GARNL3: variants seen among roughly 807,000 people sequenced by gnomAD.
GARNL3 encodes the protein GTPase activating Rap/RanGAP domain like 3.
Under a neutral mutation model 125.0 loss-of-function variants are expected in GARNL3, and 63 were observed. The ratio of observed to expected loss-of-function variants is 0.50; its 90% CI spans 0.41 to 0.62. GARNL3 has a LOEUF of 0.62. GARNL3 is among the 20% of genes least tolerant of loss of function. The pLI is 0.00. For synonymous variants in GARNL3, 439 were observed against 457.5 expected (o/e 0.96, Z 0.52); for missense variants, 994 against 1,244.0 (o/e 0.80, Z 3.02).
chr9:127,342,310 G>A lies in GARNL3; in HGVS notation c.1227G>A (p.Gln409=). ...TLDMLIRSLH[Q]DLMPDLHKNM... is the part of the protein sequence containing the mutation. ...ATATGTTGATTAGATCTTTACACCA[G>A]GATTTGATGCCAGATTTGCATAAGG... is the stretch of plus-strand genomic sequence containing the variant. The change falls in exon 14 of 28, where the codon CAG becomes CAA. Residue 409 remains glutamine, a synonymous_variant. Coordinates refer to ENST00000373387, the MANE Select transcript of GARNL3 (RefSeq NM_032293.5). 1.2e-6 allele frequency: 2 copies of A among 1,611,668 alleles called. No individual in the cohort carries two copies. Among genetic ancestry groups the A allele is most frequent in the South Asian group, 2.2e-5 (2 of 91,038 alleles).
chr9:127,243,311 C>T, intron 2 of GARNL3: 8 of 1,286,814 alleles, frequency 6.2e-6, no homozygotes, highest in Non-Finnish European at 8.4e-6. Flanking sequence ...CTTGAAATCC[C>T]TTAATGTTTA....
At chr9:127,360,512 G>A (rs376426128) in intron 21 of GARNL3, among the ~76,000 whole-genome samples, 3 of 152,102 alleles carry the variant, frequency 2.0e-5, no homozygotes, top group Non-Finnish European at 2.9e-5. Flanking sequence ...CTGTCTGTCT[G>A]GGGAGATGAG....
At chr9:127,302,612 G>A (rs962434739) in intron 2 of GARNL3, among the ~76,000 whole-genome samples, 4 of 152,102 alleles carry the variant, frequency 2.6e-5, no homozygotes, top group African/African-American at 7.2e-5. Context: ...AAATATGCTC[G>A]TCAAGATGCG....
intron 7 of GARNL3, among the ~76,000 whole-genome samples, chr9:127,327,371 A>AG (rs1041039590): frequency 1.3e-5 from 2 of 152,122 alleles, no homozygotes; most frequent in African/African-American, 2.4e-5. Flanking sequence ...GTGTGTGGTG[A>AG]GGGGGTAGGT....
intron 7 of GARNL3, among the ~76,000 whole-genome samples, 167 bp from the exon 8 acceptor site, chr9:127,332,107 A>G (rs1164224788): frequency 1.3e-5 from 2 of 152,218 alleles, no homozygotes; most frequent in Non-Finnish European, 1.5e-5. Context: ...AAATGAAGGA[A>G]TGATTGTTGT....
At chr9:127,373,109 T>C (rs182345556) in intron 22 of GARNL3, among the ~76,000 whole-genome samples, 1 of 152,332 alleles carries the variant, frequency 6.6e-6, no homozygotes, top group East Asian at 1.9e-4. Flanking sequence ...ACAAAGAGAA[T>C]GTACTTCTTG....
At chr9:127,278,705 A>G (rs1428854710) in intron 1 of GARNL3, among the ~76,000 whole-genome samples, 1 of 152,160 alleles carries the variant, frequency 6.6e-6, no homozygotes, top group Admixed American at 6.5e-5. Flanking sequence ...AAACAACAGA[A>G]TTCTATTCTC....
At chr9:127,248,389 T>C (rs1360333540) in intron 2 of GARNL3, among the ~76,000 whole-genome samples, 5 of 152,186 alleles carry the variant, frequency 3.3e-5, no homozygotes, top group East Asian at 1.9e-4. Flanking sequence ...CATTCCCCTG[T>C]TGAAATAGTC....
chr9:127,329,553 A>C (rs905708970), intron 7 of GARNL3, among the ~76,000 whole-genome samples: 1 of 152,108 alleles, frequency 6.6e-6, no homozygotes, highest in African/African-American at 2.4e-5. Flanking sequence ...CCTGAAGCAG[A>C]AGAGGTCCTC....
At chr9:127,287,015 G>A (rs2064268945) in intron 1 of GARNL3, among the ~76,000 whole-genome samples, 1 of 152,156 alleles carries the variant, frequency 6.6e-6, no homozygotes, top group Non-Finnish European at 1.5e-5. Flanking sequence ...GGTCATTGGG[G>A]TTCTAGCCAG....
rs759856570 is a variant in GARNL3, at chr9:127,390,597, C to A, written c.2744-44C>A. The A allele has an allele frequency of 3.1e-6, 5 of 1,593,582 alleles. No individual in the cohort carries two copies. The South Asian group carries it at 4.5e-5, about 14-fold the overall frequency. ...ATAAGGGTCTTTTCTGTCTCCGTGG[C>A]AGCCCTGTGGTAGTGACCCTCTGAC... On this transcript the variant is annotated intron_variant, in intron 26 of 27. Coordinates refer to ENST00000373387, the MANE Select transcript of GARNL3 (RefSeq NM_032293.5).
intron 1 of GARNL3, among the ~76,000 whole-genome samples, chr9:127,285,642 C>A (rs569893089): frequency 1.3e-5 from 2 of 152,202 alleles, no homozygotes; most frequent in African/African-American, 4.8e-5. Context: ...ATAAACTCTT[C>A]TTTCTAGTTA....
In GARNL3 at chr9:127,294,599, G is replaced by A. The variant is rs573293226; in HGVS notation, c.219+3357G>A. Among the ~76,000 whole-genome samples, 3 of 152,326 alleles carry A rather than the reference G, an allele frequency of 2.0e-5. No individual in the cohort carries two copies. The South Asian group carries it at 6.2e-4, about 32-fold the overall frequency. On this transcript the variant is annotated intron_variant, in intron 2 of 27. Transcript: ENST00000373387. ...TTACAGGCATGAGCCGCTGCGCCCGGCCTCCAGTGCTTTTAAGGAGATGAT... is the reference window on the plus strand; with the variant it reads ...TTACAGGCATGAGCCGCTGCGCCCGACCTCCAGTGCTTTTAAGGAGATGAT...
intron 1 of GARNL3, among the ~76,000 whole-genome samples, chr9:127,235,658 T>A (rs1564838619): frequency 1.3e-5 from 2 of 150,888 alleles, no homozygotes; most frequent in Non-Finnish European, 2.9e-5. Context: ...TTTGTTTTTT[T>A]AAAAAAACAA....
At chr9:127,289,086 T>A (rs976972737) in intron 1 of GARNL3, among the ~76,000 whole-genome samples, 1 of 152,210 alleles carries the variant, frequency 6.6e-6, no homozygotes, top group Non-Finnish European at 1.5e-5. Flanking sequence ...ATTTTAACAG[T>A]GAGTAGAAAC....
chr9:127,359,347 G>A (rs1472585351), intron 21 of GARNL3, among the ~76,000 whole-genome samples: 6 of 152,294 alleles, frequency 3.9e-5, no homozygotes, highest in East Asian at 1.9e-4. Context: ...AAAATTAGCC[G>A]GGTCTGGTGG....
chr9:127,240,227 G>T (rs571682647), intron 1 of GARNL3, among the ~76,000 whole-genome samples: 3 of 152,274 alleles, frequency 2.0e-5, no homozygotes, highest in South Asian at 4.1e-4. Context: ...AAAGGGAGTG[G>T]GGTGGGGGGT....
intron 6 of GARNL3, among the ~76,000 whole-genome samples, chr9:127,323,940 ATTTT>A (rs1349154473): frequency 6.6e-6 from 1 of 152,138 alleles, no homozygotes; most frequent in Non-Finnish European, 1.5e-5. Context: ...ACATAATTTT[ATTTT>A]TTCCCAGAAT....
At chr9:127,390,798 T>C (rs1199790693) in intron 27 of GARNL3, 31 bp downstream of exon 27, 1 of 1,605,198 alleles carries the variant, frequency 6.2e-7, no homozygotes, top group African/African-American at 1.3e-5. Context: ...CTGCTTGGGG[T>C]GGTGGACCTA....
Sources: allele counts gnomAD v4.1 joint callset (sites outside exome capture counted in the v4.1 genomes callset), GRCh38; gene constraint gnomAD v4.1.1; transcripts MANE v1.5; gene names NCBI Gene and HGNC (gene_info 2026-07-23, HGNC 2026-07-21).